Variants in TRRAP observed in about 807,000 individuals in gnomAD.
The protein encoded by TRRAP is transformation/transcription domain-associated protein.
Under a neutral mutation model 438.8 loss-of-function variants are expected in TRRAP, and 41 were observed. That is an observed-to-expected ratio of 0.09 (90% CI 0.07 to 0.12). TRRAP has a LOEUF of 0.12. TRRAP is among the 10% of genes least tolerant of loss of function. TRRAP has a pLI of 1.00. For missense variants in TRRAP, 3,122 were observed against 5,055.1 expected (o/e 0.62, Z 11.60); for synonymous variants, 1,994 against 1,962.9 (o/e 1.02, Z -0.42).
chr7:98,929,198 C>T (rs554106208), intron 23 of TRRAP, among the ~76,000 whole-genome samples: 22 of 152,192 alleles, frequency 1.4e-4, no homozygotes, highest in African/African-American at 4.1e-4. Context: ...CCTCGGCCTC[C>T]CAAAGTGCTG....
chr7:98,920,246 G>A (rs1387272535), intron 20 of TRRAP, among the ~76,000 whole-genome samples: 1 of 152,154 alleles, frequency 6.6e-6, no homozygotes, highest in Non-Finnish European at 1.5e-5. Flanking sequence ...TGAGGCGGGT[G>A]GATCACTGGA....
intron 43 of TRRAP, among the ~76,000 whole-genome samples, chr7:98,957,075 C>T (rs73155648): frequency 0.027 from 4,162 of 152,256 alleles, 83 homozygotes; most frequent in South Asian, 0.054. Flanking sequence ...ATGTGGCACC[C>T]ATGTCTGCCC....
chr7:98,988,624 G>A (rs960008489), intron 62 of TRRAP, 141 bp from the exon 63 acceptor site: 9 of 939,750 alleles, frequency 9.6e-6, no homozygotes, highest in South Asian at 3.3e-5. Flanking sequence ...GGTTCAGAGC[G>A]ACTGCTTATG....
chr7:98,993,877 C>T, intron 66 of TRRAP, 140 bp downstream of exon 66: 5 of 791,062 alleles, frequency 6.3e-6, no homozygotes, highest in Non-Finnish European at 1.0e-5. Flanking sequence ...ATGGACCAGG[C>T]AAATAGCTAT....
chr7:98,886,761 T>C (rs1486934720), intron 3 of TRRAP, among the ~76,000 whole-genome samples: 1 of 152,180 alleles, frequency 6.6e-6, no homozygotes, highest in Admixed American at 6.5e-5. Context: ...ACAGATTCAT[T>C]ATTAAATGGG....
At chr7:98,955,074 A>G (rs782793263) in intron 40 of TRRAP, 24 bp from the exon 41 acceptor site, 52 of 1,601,036 alleles carry the variant, frequency 3.2e-5, no homozygotes, top group Non-Finnish European at 4.3e-5. Context: ...CTCATCCTCC[A>G]TAAACGTCTC....
At chr7:98,996,386 C>T (rs1793663912) in intron 67 of TRRAP, among the ~76,000 whole-genome samples, 1 of 152,248 alleles carries the variant, frequency 6.6e-6, no homozygotes, top group Admixed American at 6.5e-5. Flanking sequence ...GCCAGGTTCT[C>T]ACTGAGAGCT....
chr7:98,956,169 C>G lies in TRRAP; in HGVS notation c.5961C>G (p.His1987Gln). 1 of 1,612,504 alleles carries G rather than the reference C, an allele frequency of 6.2e-7. No homozygotes were observed. The highest frequency in any genetic ancestry group is 1.3e-5 in the African/African-American group (1 of 75,012). Residue 1987 changes from histidine (H) to glutamine (Q), a missense_variant, in exon 42 of 73, where the codon CAC becomes CAG. By Grantham distance (24) the His-to-Gln change is conservative. Transcript: ENST00000456197. The surrounding 1 kb of genome is among the most constrained non-coding windows in gnomAD (Gnocchi z 4.5). Reference protein sequence around the residue: ...HFKVYYPVRHHLVQHMVSAMQ... With the variant: ...HFKVYYPVRHQLVQHMVSAMQ... The stretch of plus-strand genomic sequence containing the variant: ...AGGTGTACTACCCGGTACGGCACCA[C>G]TTGGTGCAGCACATGGTGAGCGCCA...
intron 32 of TRRAP, 41 bp downstream of exon 32, chr7:98,945,841 G>T (rs1554416664): frequency 6.3e-7 from 1 of 1,581,434 alleles, no homozygotes. Flanking sequence ...GACTTGCAAT[G>T]TGAAGAAAAG....
At chr7:99,004,114 G>A in intron 67 of TRRAP, 76 bp from the exon 68 acceptor site, 2 of 1,340,886 alleles carry the variant, frequency 1.5e-6, no homozygotes, top group Non-Finnish European at 2.1e-6. Context: ...GCTGGTAGGG[G>A]CTTGAGCGTT....
At chr7:98,955,505 T>C (rs1380777596) in intron 41 of TRRAP, among the ~76,000 whole-genome samples, 1 of 152,230 alleles carries the variant, frequency 6.6e-6, no homozygotes, top group Non-Finnish European at 1.5e-5. Context: ...GTCACAGGTG[T>C]GTGTGTCTTT....
intron 30 of TRRAP, among the ~76,000 whole-genome samples, chr7:98,938,341 A>T (rs1474194524): frequency 1.3e-5 from 2 of 152,168 alleles, no homozygotes; most frequent in East Asian, 3.8e-4. Flanking sequence ...CCTGCCTCAA[A>T]AAATAAATAA....
At chr7:98,980,419 T>A (rs1371009236) in intron 58 of TRRAP, among the ~76,000 whole-genome samples, 4 of 152,096 alleles carry the variant, frequency 2.6e-5, no homozygotes, top group Admixed American at 6.6e-5. Flanking sequence ...ATGAAAAAAA[T>A]TTTTTAAATA....
chr7:98,956,728 C>T lies in TRRAP; in HGVS notation c.6231+195C>T, dbSNP rs1323638832. On this transcript the variant is annotated intron_variant, in intron 43 of 72. Coordinates refer to ENST00000456197, the MANE Select transcript of TRRAP (RefSeq NM_001375524.1). This position sits in a 1 kb window ranked among gnomAD's most constrained non-coding sequence, Gnocchi z 4.5. ...TTCCCAGGTCACCAGACATGCTTGC[C>T]TCATGCGTTCAGTTCATACCATTAA... is the stretch of plus-strand genomic sequence containing the variant. Among the ~76,000 whole-genome samples the T allele has an allele frequency of 6.6e-6, 1 of 152,180 alleles. No homozygotes were observed. Among genetic ancestry groups the T allele is most frequent in the African/African-American group, 2.4e-5 (1 of 41,432 alleles).
At position 98,960,591 on chromosome 7, in the gene TRRAP, T is replaced by C. The variant is rs543317344; in HGVS notation, c.6490-670T>C. The stretch of plus-strand genomic sequence containing the variant: ...TTGTCTTTGGAAGGATATTTGTTTT[T>C]TGTTTTTGTTTCGTTTTTTTGAGAC... On this transcript the variant is annotated intron_variant, in intron 45 of 72. Coordinates refer to ENST00000456197, the MANE Select transcript of TRRAP (RefSeq NM_001375524.1). Among the ~76,000 whole-genome samples the C allele has an allele frequency of 2.8e-3, 420 of 152,288 alleles. 2 individuals carry two copies. The highest frequency in any genetic ancestry group is 3.6e-3 in the Non-Finnish European group (248 of 68,028).
intron 2 of TRRAP, 81 bp from the exon 3 acceptor site, chr7:98,881,894 A>G: frequency 6.7e-7 from 1 of 1,494,000 alleles, no homozygotes; most frequent in Non-Finnish European, 9.2e-7. Flanking sequence ...GCTTCTCTTA[A>G]ATTACTAAAT....
chr7:98,929,383 A>G (rs541257557), intron 23 of TRRAP, among the ~76,000 whole-genome samples: 2 of 152,202 alleles, frequency 1.3e-5, no homozygotes, highest in South Asian at 4.1e-4. Context: ...AAAGATTATG[A>G]AAGTGGCAAA....
Position 98,984,934 on chromosome 7 carries a change from T to C in TRRAP, c.9289-10T>C. ...CAAGAACTTTTTTTCTGCTCATTTT[T>C]TTTGAACAGGGCCTTGAAGTTATTG... is the stretch of plus-strand genomic sequence containing the variant. On this transcript the variant is annotated splice_polypyrimidine_tract_variant and intron_variant, in intron 61 of 72. Transcript: ENST00000456197. 1 of 1,581,436 alleles carries C rather than the reference T, an allele frequency of 6.3e-7. No homozygotes were observed. The highest frequency in any genetic ancestry group is 8.6e-7 in the Non-Finnish European group (1 of 1,164,036).
intron 67 of TRRAP, among the ~76,000 whole-genome samples, chr7:98,997,756 A>T (rs1793738533): frequency 6.6e-6 from 1 of 152,208 alleles, no homozygotes; most frequent in Non-Finnish European, 1.5e-5. Flanking sequence ...TGTGGAACAA[A>T]CGTAGCAAAG....
Sources: allele counts gnomAD v4.1 joint callset (sites outside exome capture counted in the v4.1 genomes callset), GRCh38; gene constraint gnomAD v4.1.1; non-coding constraint Gnocchi (gnomAD v3.1); transcripts MANE v1.5; gene names NCBI Gene and HGNC (gene_info 2026-07-23, HGNC 2026-07-21).